The following MYO3B variants were observed in gnomAD, a reference collection of about 807,000 sequenced individuals.
MYO3B encodes myosin IIIB.
Under a neutral mutation model 174.6 loss-of-function variants are expected in MYO3B, and 156 were observed. The observed-to-expected ratio is 0.89, with a 90% CI of 0.78 to 1.02. MYO3B has a LOEUF of 1.02. MYO3B is among the 50% of genes least tolerant of loss of function. The pLI, the probability that MYO3B is intolerant of heterozygous loss-of-function variation, is 0.00. For synonymous variants in MYO3B, 563 were observed against 569.1 expected (o/e 0.99, Z 0.15); for missense variants, 1,632 against 1,639.4 (o/e 1.00, Z 0.08).
chr2:170,607,032 TAAAAC>T (rs1361115601), intron 32 of MYO3B, among the ~76,000 whole-genome samples: 12 of 152,138 alleles, frequency 7.9e-5, no homozygotes, highest in African/African-American at 2.4e-4. Flanking sequence ...AAAAATAAAA[TAAAAC>T]AAAATAAAAT....
chr2:170,386,634 A>G (rs1448817395), intron 13 of MYO3B, among the ~76,000 whole-genome samples: 1 of 152,186 alleles, frequency 6.6e-6, no homozygotes, highest in Non-Finnish European at 1.5e-5. Flanking sequence ...CTTTGAGCAA[A>G]AGTTGAGGGA....
intron 34 of MYO3B, 32 bp downstream of exon 34, chr2:170,652,186 T>C (rs1164956559): frequency 5.6e-6 from 9 of 1,599,164 alleles, no homozygotes; most frequent in Middle Eastern, 3.3e-4. Context: ...TCTAAGCAAC[T>C]GTAAACAGAA....
intron 6 of MYO3B, 101 bp from the exon 7 acceptor site, chr2:170,235,890 C>A: frequency 2.8e-6 from 4 of 1,440,190 alleles, no homozygotes; most frequent in Non-Finnish European, 3.8e-6. Context: ...ATCATCGTGG[C>A]CAAGAAAACT....
chr2:170,575,803 C>A (rs947580002), intron 32 of MYO3B, among the ~76,000 whole-genome samples: 2 of 152,126 alleles, frequency 1.3e-5, no homozygotes, highest in Non-Finnish European at 2.9e-5. Context: ...AAGGAAAAAG[C>A]ATTTTTTAAA....
intron 28 of MYO3B, among the ~76,000 whole-genome samples, chr2:170,511,771 G>T (rs1688007117): frequency 6.6e-6 from 1 of 152,150 alleles, no homozygotes; most frequent in Non-Finnish European, 1.5e-5. Flanking sequence ...CATCAAGACG[G>T]AGCAGTCTTA....
chr2:170,303,791 C>T (rs1477077236), intron 7 of MYO3B, among the ~76,000 whole-genome samples: 2 of 152,070 alleles, frequency 1.3e-5, no homozygotes, highest in Admixed American at 6.5e-5. Flanking sequence ...TTTATGCATA[C>T]ATGTTTTTCT....
chr2:170,529,458 T>C (rs1689205430), intron 30 of MYO3B, among the ~76,000 whole-genome samples: 1 of 152,128 alleles, frequency 6.6e-6, no homozygotes, highest in Non-Finnish European at 1.5e-5. Context: ...TCTTCCTTTT[T>C]TTTCTTTCTT....
chr2:170,403,953 T>G (rs2105803869), intron 19 of MYO3B, among the ~76,000 whole-genome samples: 1 of 152,340 alleles, frequency 6.6e-6, no homozygotes, highest in Non-Finnish European at 1.5e-5. Context: ...AATAAATTTT[T>G]TTTTTCAGCT....
intron 1 of MYO3B, among the ~76,000 whole-genome samples, chr2:170,198,658 A>G (rs969177966): frequency 3.3e-5 from 5 of 152,202 alleles, no homozygotes; most frequent in Non-Finnish European, 7.3e-5. Flanking sequence ...ATTTCTGACA[A>G]TATGAGTGTG....
intron 3 of MYO3B, among the ~76,000 whole-genome samples, chr2:170,212,920 C>G (rs1191525617): frequency 1.3e-5 from 2 of 152,190 alleles, no homozygotes; most frequent in Non-Finnish European, 2.9e-5. Flanking sequence ...TGGGGACCCC[C>G]TTTTTATCTG....
chr2:170,303,335 G>A (rs973997091), intron 7 of MYO3B, among the ~76,000 whole-genome samples: 3 of 152,168 alleles, frequency 2.0e-5, no homozygotes, highest in African/African-American at 7.2e-5. Flanking sequence ...CACAGTGTAT[G>A]AAAGTGAATC....
At chr2:170,549,022 G>A (rs775519136) in intron 32 of MYO3B, among the ~76,000 whole-genome samples, 2 of 152,130 alleles carry the variant, frequency 1.3e-5, no homozygotes, top group Non-Finnish European at 2.9e-5. Flanking sequence ...TAAAAGAAGT[G>A]GGTTTGAGAG....
intron 33 of MYO3B, 32 bp downstream of exon 33, chr2:170,651,766 C>T (rs568849225): frequency 2.6e-6 from 4 of 1,565,086 alleles, no homozygotes; most frequent in Admixed American, 3.3e-5. Flanking sequence ...AGCTGTTTCA[C>T]TGGCTTTGTT....
At chr2:170,261,939 G>A (rs1457399310) in intron 7 of MYO3B, among the ~76,000 whole-genome samples, 1 of 152,190 alleles carries the variant, frequency 6.6e-6, no homozygotes, top group African/African-American at 2.4e-5. Flanking sequence ...GTATATATAT[G>A]CATCTCCAAT....
intron 25 of MYO3B, among the ~76,000 whole-genome samples, chr2:170,493,591 T>C (rs1202147211): frequency 6.6e-6 from 1 of 152,208 alleles, no homozygotes; most frequent in Admixed American, 6.5e-5. Context: ...TTGATATTCC[T>C]CCCTTCATTC....
At chr2:170,260,544 G>A (rs1275533242) in intron 7 of MYO3B, among the ~76,000 whole-genome samples, 1 of 152,162 alleles carries the variant, frequency 6.6e-6, no homozygotes, top group African/African-American at 2.4e-5. Context: ...TAGACACTGG[G>A]GACTACTGGA....
At chr2:170,256,731 GAC>G (rs1559339389) in intron 7 of MYO3B, among the ~76,000 whole-genome samples, 1 of 152,062 alleles carries the variant, frequency 6.6e-6, no homozygotes, top group Non-Finnish European at 1.5e-5. Flanking sequence ...ATAACATCAT[GAC>G]AGGATCAAAA....
intron 32 of MYO3B, among the ~76,000 whole-genome samples, chr2:170,636,352 A>ATAAC (rs905966631): frequency 5.3e-5 from 8 of 152,040 alleles, no homozygotes; most frequent in African/African-American, 9.7e-5. Context: ...TGGAAATAAC[A>ATAAC]TAACTGTTTG....
At chr2:170,370,624 TACACACACACACACACACACACAC>T (rs55790344) in intron 9 of MYO3B, among the ~76,000 whole-genome samples, 30 of 129,544 alleles carry the variant, frequency 2.3e-4, no homozygotes, top group African/African-American at 8.3e-4. Flanking sequence ...ACCACCCACC[TACACACACACACACACACACACAC>T]ACACACACAC....
Sources: allele counts gnomAD v4.1 joint callset (sites outside exome capture counted in the v4.1 genomes callset), GRCh38; gene constraint gnomAD v4.1.1; transcripts MANE v1.5; gene names NCBI Gene and HGNC (gene_info 2026-07-23, HGNC 2026-07-21).